The following TLK1 variants were observed in gnomAD, a reference collection of about 807,000 sequenced individuals.
TLK1 encodes serine/threonine-protein kinase tousled-like 1.
In TLK1, 24 loss-of-function variants were observed where a neutral mutation model predicts 105.3. The ratio of observed to expected loss-of-function variants is 0.23; its 90% CI spans 0.17 to 0.32. TLK1 has a LOEUF of 0.32. Ranked by LOEUF, TLK1 falls within the 10% of genes least tolerant of loss-of-function variation. The pLI, the probability that TLK1 is intolerant of heterozygous loss-of-function variation, is 1.00. For missense variants in TLK1, 558 were observed against 910.5 expected (o/e 0.61, Z 4.98); for synonymous variants, 321 against 310.4 (o/e 1.03, Z -0.36).
intron 1 of TLK1, among the ~76,000 whole-genome samples, chr2:171,124,636 A>G (rs1003953955): frequency 2.0e-5 from 3 of 152,248 alleles, no homozygotes; most frequent in Non-Finnish European, 1.5e-5. Flanking sequence ...CTGCCAATGA[A>G]TAACAATGAA....
At position 171,154,144 on chromosome 2, in the gene TLK1, C is replaced by G. The variant is rs979314291; in HGVS notation, c.139+6146G>C. Among the ~76,000 whole-genome samples the G allele has an allele frequency of 3.0e-4, 45 of 151,718 alleles. 1 individual carries two copies. The highest frequency in any genetic ancestry group is 1.0e-3 in the African/African-American group (43 of 41,216). ...ACTCAAGCAATCCTCTTGCCTTGGT[C>G]TCCCAAAGCTGGGATTACAGGCCTG... is the stretch of plus-strand genomic sequence containing the variant. On this transcript the variant is annotated intron_variant, in intron 1 of 20. Coordinates refer to ENST00000431350, the MANE Select transcript of TLK1 (RefSeq NM_012290.5).
intron 1 of TLK1, among the ~76,000 whole-genome samples, chr2:171,186,826 G>A (rs867376376): frequency 2.9e-4 from 44 of 151,954 alleles, no homozygotes; most frequent in African/African-American, 1.0e-3. Flanking sequence ...TTGGGAGGCC[G>A]AGACGGGTGG....
chr2:171,048,260 A>C (rs1687055641), intron 10 of TLK1, among the ~76,000 whole-genome samples: 1 of 152,172 alleles, frequency 6.6e-6, no homozygotes, highest in Non-Finnish European at 1.5e-5. Flanking sequence ...CTCTTTTCTG[A>C]CAGTTAAGAG....
chr2:171,107,729 A>G (rs1689989543), intron 2 of TLK1, among the ~76,000 whole-genome samples: 1 of 152,132 alleles, frequency 6.6e-6, no homozygotes, highest in African/African-American at 2.4e-5. Flanking sequence ...GACAATTTGA[A>G]TTTCAAAGAC....
intron 3 of TLK1, among the ~76,000 whole-genome samples, chr2:171,077,125 C>T (rs909953664): frequency 3.3e-5 from 5 of 152,138 alleles, no homozygotes; most frequent in African/African-American, 1.2e-4. Flanking sequence ...TTTTATCAGT[C>T]CTCAAATCCA....
At position 171,160,240 on chromosome 2, in the gene TLK1, C is replaced by CGGCGCGGGAGAGGAGGCCCGCGAGCG; in HGVS notation, c.139+24_139+49dup. 6.8e-6 allele frequency: 9 copies of CGGCGCGGGAGAGGAGGCCCGCGAGCG among 1,330,026 alleles called. No individual in the cohort carries two copies. The highest frequency in any genetic ancestry group is 7.7e-6 in the Non-Finnish European group (8 of 1,039,644). The allele number at this position is 1,330,026 out of a possible 1,614,324, so 82.4% of individuals were successfully genotyped here. A position where few individuals can be genotyped will look rare whatever the true frequency, so the allele number is the denominator to read the frequency against. The stretch of plus-strand genomic sequence containing the variant: ...GGCGGGGGGGGGGCGCGGGGGTCCG[C>CGGCGCGGGAGAGGAGGCCCGCGAGCG]GGCGCGGGAGAGGAGGCCCGCGAGC... On this transcript the variant is annotated intron_variant, in intron 1 of 20. Coordinates refer to ENST00000431350, the MANE Select transcript of TLK1 (RefSeq NM_012290.5). This position sits in a 1 kb window ranked among gnomAD's most constrained non-coding sequence, Gnocchi z 4.4.
intron 1 of TLK1, among the ~76,000 whole-genome samples, chr2:171,149,268 T>C (rs1691934714): frequency 6.6e-6 from 1 of 151,956 alleles, no homozygotes; most frequent in Admixed American, 6.6e-5. Flanking sequence ...AGAAATTAAA[T>C]AATCCATAGT....
At chr2:171,144,398 T>C (rs893006558) in intron 1 of TLK1, among the ~76,000 whole-genome samples, 7 of 152,092 alleles carry the variant, frequency 4.6e-5, no homozygotes, top group African/African-American at 1.7e-4. Flanking sequence ...TGGAACATTC[T>C]CCAGGATAGA....
intron 5 of TLK1, among the ~76,000 whole-genome samples, chr2:171,057,715 C>T (rs1687569213): frequency 6.6e-6 from 1 of 152,158 alleles, no homozygotes; most frequent in East Asian, 1.9e-4. Context: ...AGCCAGTGAA[C>T]TTTAACTTCT....
chr2:171,211,673 C>G (rs1328256713), intron 1 of TLK1, among the ~76,000 whole-genome samples: 17 of 152,084 alleles, frequency 1.1e-4, no homozygotes. Flanking sequence ...CCTCAGCCCC[C>G]TGAATAGCTG....
intron 12 of TLK1, among the ~76,000 whole-genome samples, chr2:171,022,645 CTATAAA>C (rs1054622760): frequency 6.6e-6 from 1 of 152,154 alleles, no homozygotes; most frequent in Non-Finnish European, 1.5e-5. Flanking sequence ...CCAGTCATGG[CTATAAA>C]TATAAAGATG....
chr2:171,076,218 G>C (rs982505787), intron 3 of TLK1, among the ~76,000 whole-genome samples: 5 of 151,720 alleles, frequency 3.3e-5, no homozygotes, highest in African/African-American at 7.3e-5. Context: ...ACTCCATCTC[G>C]GAGGGCGGGG....
chr2:171,130,798 A>T (rs1325494941), intron 1 of TLK1, among the ~76,000 whole-genome samples: 3 of 152,136 alleles, frequency 2.0e-5, no homozygotes, highest in Admixed American at 1.3e-4. Context: ...ATGTTGAGTT[A>T]TCCTGCTTGA....
intron 12 of TLK1, among the ~76,000 whole-genome samples, chr2:171,020,584 C>T (rs1367775004): frequency 7.3e-5 from 11 of 149,954 alleles, no homozygotes. Flanking sequence ...AAAGGAAGGG[C>T]AGTGCAAAAA....
At chr2:171,086,915 G>A (rs1575586505) in intron 2 of TLK1, among the ~76,000 whole-genome samples, 1 of 152,256 alleles carries the variant, frequency 6.6e-6, no homozygotes, top group East Asian at 1.9e-4. Flanking sequence ...CTACTTCTTT[G>A]GCTGGTCAGT....
At chr2:170,998,081 TCTATCTATCTACCTAC>T (rs1241579014) in intron 18 of TLK1, among the ~76,000 whole-genome samples, 47 of 108,198 alleles carry the variant, frequency 4.3e-4, no homozygotes, top group Admixed American at 3.7e-4. Flanking sequence ...TATCTATCTA[TCTATCTATCTACCTAC>T]CTACCTACCT....
Position 171,168,440 on chromosome 2 carries a change from G to A in TLK1, c.-5-50583C>T, listed in dbSNP as rs539334015. Reference sequence around the variant, plus strand: ...GAAGTAAGAGCGGGGATTCTGAGCTGCAAGTGATTTTTTTGTTTCATGATC... The same window carrying A: ...GAAGTAAGAGCGGGGATTCTGAGCTACAAGTGATTTTTTTGTTTCATGATC... On this transcript the variant is annotated intron_variant, in intron 1 of 20. Coordinates refer to the TLK1 transcript ENST00000521943. Among the ~76,000 whole-genome samples the A allele has an allele frequency of 3.3e-5, 5 of 152,340 alleles. No individual in the cohort carries two copies. The South Asian group carries it at 8.3e-4, about 25-fold the overall frequency.
In TLK1 at chr2:170,992,020, G is replaced by C. The variant is rs1451063579; in HGVS notation, c.*1760C>G. The C allele has an allele frequency of 6.6e-6, 1 of 152,058 alleles. No homozygotes were observed. Among genetic ancestry groups the C allele is most frequent in the South Asian group, 2.1e-4 (1 of 4,820 alleles). The allele number at this position is 152,058 out of a possible 1,614,324, so 9.4% of individuals were successfully genotyped here. ...GGAGTTGCCTTGATAATGGTTATTA[G>C]GTTTAACTTTAACAGCTTGAAACAA... On this transcript the variant is annotated 3_prime_UTR_variant, in exon 21 of 21. Coordinates refer to ENST00000431350, the MANE Select transcript of TLK1 (RefSeq NM_012290.5).
chr2:171,011,744 C>T (rs930990695), intron 13 of TLK1, among the ~76,000 whole-genome samples: 1 of 152,232 alleles, frequency 6.6e-6, no homozygotes, highest in Admixed American at 6.5e-5. Flanking sequence ...TTGCCAAGAG[C>T]TTCATAAAAT....
Sources: allele counts gnomAD v4.1 joint callset (sites outside exome capture counted in the v4.1 genomes callset), GRCh38; gene constraint gnomAD v4.1.1; non-coding constraint Gnocchi (gnomAD v3.1); transcripts MANE v1.5; gene names NCBI Gene and HGNC (gene_info 2026-07-23, HGNC 2026-07-21).